DCBLD1: variants seen among roughly 807,000 people sequenced by gnomAD.
The protein encoded by DCBLD1 is discoidin, CUB and LCCL domain containing 1.
In DCBLD1, 57 loss-of-function variants were observed where a neutral mutation model predicts 71.5. The observed-to-expected ratio is 0.80, with a 90% CI of 0.64 to 0.99. The LOEUF is 0.99. DCBLD1 is among the 50% of genes least tolerant of loss of function. The pLI, the probability that DCBLD1 is intolerant of heterozygous loss-of-function variation, is 0.00. For missense variants in DCBLD1, 891 were observed against 923.5 expected, an observed-to-expected ratio of 0.96 and a Z score of 0.46; for synonymous variants, 380 against 363.8, an observed-to-expected ratio of 1.04 and a Z score of -0.51.
chr6:117,483,347 T>G (rs1338829610), intron 1 of DCBLD1, among the ~76,000 whole-genome samples: 1 of 152,162 alleles, frequency 6.6e-6, no homozygotes, highest in Non-Finnish European at 1.5e-5. Flanking sequence ...CTGCCCTCCC[T>G]GCCGTCGCTC....
chr6:117,528,208 T>C (rs79188188), intron 5 of DCBLD1, among the ~76,000 whole-genome samples: 1,638 of 152,294 alleles, frequency 0.011, 37 homozygotes, highest in African/African-American at 0.037. Context: ...AATGACAATA[T>C]GAGTGATTTT....
At chr6:117,536,628 G>A (rs1379603169) in intron 6 of DCBLD1, among the ~76,000 whole-genome samples, 1 of 152,206 alleles carries the variant, frequency 6.6e-6, no homozygotes. Context: ...GCTACAGTAG[G>A]TAGGAGTGTG....
intron 1 of DCBLD1, among the ~76,000 whole-genome samples, chr6:117,501,774 T>C (rs780704215): frequency 6.6e-6 from 1 of 152,242 alleles, no homozygotes; most frequent in Non-Finnish European, 1.5e-5. Context: ...ATCATTTTCA[T>C]TTAATTCTTG....
chr6:117,565,339 AT>A (rs1779674805), intron 14 of DCBLD1, among the ~76,000 whole-genome samples: 1 of 152,312 alleles, frequency 6.6e-6, no homozygotes, highest in African/African-American at 2.4e-5. Flanking sequence ...ATGGAAGAGT[AT>A]TTTAACAGCC....
intron 1 of DCBLD1, among the ~76,000 whole-genome samples, chr6:117,486,757 T>C (rs993462026): frequency 1.3e-5 from 2 of 152,190 alleles, no homozygotes; most frequent in African/African-American, 2.4e-5. Context: ...TTCCCCTTCT[T>C]AGCTTTCAGT....
chr6:117,528,488 C>CTGTTTTA (rs1453381076), intron 5 of DCBLD1, among the ~76,000 whole-genome samples: 1 of 152,186 alleles, frequency 6.6e-6, no homozygotes, highest in African/African-American at 2.4e-5. Flanking sequence ...ATTGCCAACA[C>CTGTTTTA]TGTTTTAGTA....
chr6:117,500,996 GA>G (rs11418320), intron 1 of DCBLD1, among the ~76,000 whole-genome samples: 8,616 of 147,738 alleles, frequency 0.058, 500 homozygotes, highest in African/African-American at 0.14. Flanking sequence ...ACTGTTTTCT[GA>G]AAAAAAAAAA....
chr6:117,500,599 G>T (rs1185084573), intron 1 of DCBLD1, among the ~76,000 whole-genome samples: 1 of 152,208 alleles, frequency 6.6e-6, no homozygotes, highest in African/African-American at 2.4e-5. Context: ...GGGTGCGGTG[G>T]CTCACGCCTG....
chr6:117,536,562 T>G (rs1275178372), intron 6 of DCBLD1, among the ~76,000 whole-genome samples: 1 of 152,230 alleles, frequency 6.6e-6, no homozygotes, highest in Non-Finnish European at 1.5e-5. Context: ...GTGTGTTTTC[T>G]CCAGCTGTAC....
chr6:117,540,606 G>A (rs1779058145), intron 9 of DCBLD1, 62 bp from the exon 10 acceptor site: 3 of 1,593,792 alleles, frequency 1.9e-6, no homozygotes, highest in Non-Finnish European at 2.6e-6. Context: ...GTATAAGTGG[G>A]ATGATAAACA....
chr6:117,527,331 T>TA (rs771636085), intron 5 of DCBLD1, among the ~76,000 whole-genome samples: 1 of 152,158 alleles, frequency 6.6e-6, no homozygotes, highest in Non-Finnish European at 1.5e-5. Flanking sequence ...TCATGGGGGT[T>TA]ATCTTAGAGT....
chr6:117,539,554 C>T, intron 9 of DCBLD1, 175 bp downstream of exon 9: 1 of 640,798 alleles, frequency 1.6e-6, no homozygotes, highest in Non-Finnish European at 2.3e-6. Flanking sequence ...TCATTTGAGA[C>T]CATCCTGGGC....
intron 1 of DCBLD1, among the ~76,000 whole-genome samples, chr6:117,487,395 GC>G (rs1361805748): frequency 1.6e-4 from 25 of 152,138 alleles, no homozygotes; most frequent in African/African-American, 5.8e-4. Flanking sequence ...GGTGGTTGAG[GC>G]AGGCGGATCA....
At chr6:117,556,638 T>A (rs1169549796) in intron 14 of DCBLD1, among the ~76,000 whole-genome samples, 1 of 152,252 alleles carries the variant, frequency 6.6e-6, no homozygotes, top group Non-Finnish European at 1.5e-5. Context: ...ACACTTAGGT[T>A]GATTCCATAC....
At chr6:117,484,291 G>A (rs1777008794) in intron 1 of DCBLD1, among the ~76,000 whole-genome samples, 1 of 152,168 alleles carries the variant, frequency 6.6e-6, no homozygotes, top group South Asian at 2.1e-4. Context: ...TGGGCACTTT[G>A]TGAGAGCGGT....
rs1776935678 is a variant in DCBLD1 at position 117,482,804 on chromosome 6, G to T, written c.23G>T (p.Gly8Val). Residue 8 changes from glycine (G) to valine (V), a missense_variant, in exon 1 of 15, where the codon GGC becomes GTC. By Grantham distance (109) the Gly-to-Val change is moderately radical. Transcript: ENST00000338728. MVPGARG[G>V]GALARAAGRG... ...GTCATGGTGCCCGGCGCCCGCGGCGGCGGCGCACTGGCGCGGGCTGCCGGG... is the reference window on the plus strand; with the variant it reads ...GTCATGGTGCCCGGCGCCCGCGGCGTCGGCGCACTGGCGCGGGCTGCCGGG... The T allele has an allele frequency of 1.1e-5, 13 of 1,153,546 alleles. No individual in the cohort carries two copies. The highest frequency in any genetic ancestry group is 1.4e-5 in the Non-Finnish European group (13 of 938,540). 71.5% of individuals were successfully genotyped at this position (1,153,546 alleles called of 1,614,324 possible). A position where few individuals can be genotyped will look rare whatever the true frequency, so the allele number is the denominator to read the frequency against.
At chr6:117,563,039 C>A (rs763981221) in intron 14 of DCBLD1, 3 of 508,406 alleles carry the variant, frequency 5.9e-6, no homozygotes, top group East Asian at 6.6e-5. Flanking sequence ...TCAAGAAAAT[C>A]AAAATTGCTT....
Position 117,482,827 on chromosome 6 carries a change from G to A in DCBLD1, c.46G>A (p.Gly16Arg), listed in dbSNP as rs1776937201. ...RGGGALARAA[G>R]RGLLALLLAV... ...CGGCGGCGCACTGGCGCGGGCTGCC[G>A]GGCGGGGCCTCCTGGCTTTGCTGCT... The change falls in exon 1 of 15, where the codon GGG becomes AGG. Residue 16 changes from glycine (G) to arginine (R), a missense_variant. Gly to Arg is a moderately radical substitution (Grantham distance 125). Transcript: ENST00000338728. 1 of 1,168,652 alleles carries A rather than the reference G, an allele frequency of 8.6e-7. No individual in the cohort carries two copies. Among genetic ancestry groups the A allele is most frequent in the Non-Finnish European group, 1.1e-6 (1 of 948,444 alleles). 72.4% of individuals were successfully genotyped at this position (1,168,652 alleles called of 1,614,324 possible).
At chr6:117,544,116 G>A (rs1310571827) in intron 12 of DCBLD1, among the ~76,000 whole-genome samples, 1 of 152,224 alleles carries the variant, frequency 6.6e-6, no homozygotes, top group Non-Finnish European at 1.5e-5. Context: ...ATATTCATAA[G>A]TTAAAGCATG....
Sources: allele counts gnomAD v4.1 joint callset (sites outside exome capture counted in the v4.1 genomes callset), GRCh38; gene constraint gnomAD v4.1.1; transcripts MANE v1.5; gene names NCBI Gene and HGNC (gene_info 2026-07-23, HGNC 2026-07-21).